Variants in MUC17 observed in about 807,000 individuals in gnomAD.
MUC17 encodes mucin-17.
In MUC17, 190 loss-of-function variants were observed where a neutral mutation model predicts 170.3. The observed-to-expected ratio is 1.12, with a 90% CI of 0.99 to 1.26. The LOEUF (loss-of-function observed/expected upper bound fraction) is 1.26. Ranked by LOEUF, MUC17 falls within the 50% of genes most tolerant of loss-of-function variation. The pLI is 0.00. For synonymous variants in MUC17, 2,325 were observed against 2,002.5 expected, an observed-to-expected ratio of 1.16 and a Z score of -4.30; for missense variants, 6,415 against 5,530.0, an observed-to-expected ratio of 1.16 and a Z score of -5.08.
rs1441978318 is a variant in MUC17, at chr7:101,053,443, G to C, written c.13363+7G>C. On this transcript the variant is annotated splice_region_variant and intron_variant, in intron 11 of 12. Coordinates refer to ENST00000306151, the MANE Select transcript of MUC17 (RefSeq NM_001040105.2). ...GGCTTTGACATCTGCCAAGGTATTG[G>C]CCTTCCTCTCTGAACTCAGAATGGC... is the stretch of plus-strand genomic sequence containing the variant. 4.3e-6 allele frequency: 7 copies of C among 1,611,224 alleles called. No homozygotes were observed. The highest frequency in any genetic ancestry group is 5.9e-6 in the Non-Finnish European group (7 of 1,178,170).
At chr7:101,030,365 G>T (rs1250536756) in intron 1 of MUC17, among the ~76,000 whole-genome samples, 1 of 151,698 alleles carries the variant, frequency 6.6e-6, no homozygotes, top group Non-Finnish European at 1.5e-5. Flanking sequence ...TGGGACTACA[G>T]GTGCACATGC....
At position 101,034,982 on chromosome 7, in the gene MUC17, C is replaced by T. The variant is rs746249043; in HGVS notation, c.3566C>T (p.Thr1189Ile). The T allele has an allele frequency of 1.9e-6, 3 of 1,613,718 alleles. No homozygotes were observed. In the Admixed American group the frequency reaches 5.0e-5, roughly 27 times the overall value. ...TCAACAACTCCTGTGGACTCCAAAACTCAGGTGGCCACTTCTACTGAAGCC... is the reference window on the plus strand; with the variant it reads ...TCAACAACTCCTGTGGACTCCAAAATTCAGGTGGCCACTTCTACTGAAGCC... ...TLSTTPVDSKTQVATSTEASS... is the reference protein window; with the variant it reads ...TLSTTPVDSKIQVATSTEASS... Residue 1189 changes from threonine (T) to isoleucine (I), a missense_variant, in exon 3 of 13, where the codon ACT becomes ATT. Transcript: ENST00000306151.
chr7:101,053,193 T>C, intron 10 of MUC17, 46 bp downstream of exon 10: 1 of 1,598,772 alleles, frequency 6.3e-7, no homozygotes, highest in Non-Finnish European at 8.5e-7. Flanking sequence ...CTCCAGCTCC[T>C]CCTCTTCCTC....
rs1051636153 is a variant in MUC17 at position 101,055,379 on chromosome 7, GTGTATAGC to G, written c.13364-810_13364-803del. 7.7e-4 allele frequency among the ~76,000 whole-genome samples: 117 copies of G among 152,162 alleles called. 1 individual carries two copies. The highest frequency in any genetic ancestry group is 2.8e-3 in the African/African-American group (115 of 41,490). ...TACTAAACAAAGTGTCTGTTGTTTT[GTGTATAGC>G]TGTACTCATTGCAGGCACATAAACT... is the stretch of plus-strand genomic sequence containing the variant. On this transcript the variant is annotated intron_variant, in intron 11 of 12. Coordinates refer to ENST00000306151, the MANE Select transcript of MUC17 (RefSeq NM_001040105.2).
chr7:101,047,951 C>T, intron 3 of MUC17, 33 bp from the exon 4 acceptor site: 1 of 1,542,596 alleles, frequency 6.5e-7, no homozygotes, highest in Non-Finnish European at 8.7e-7. Context: ...AATGGAGGAA[C>T]TTGGAAAGAA....
intron 1 of MUC17, among the ~76,000 whole-genome samples, chr7:101,020,943 C>A (rs1289756250): frequency 3.3e-5 from 5 of 152,162 alleles, no homozygotes; most frequent in African/African-American, 1.2e-4. Flanking sequence ...CACCTGCCCC[C>A]AGAGAAGGGC....
At position 101,049,348 on chromosome 7, in the gene MUC17, C is replaced by T. The variant is rs1328867373; in HGVS notation, c.12688C>T (p.Pro4230Ser). 6.2e-7 allele frequency: 1 copy of T among 1,613,988 alleles called. No individual in the cohort carries two copies. The highest frequency in any genetic ancestry group is 8.5e-7 in the Non-Finnish European group (1 of 1,179,954). Residue 4230 changes from proline to serine, a missense_variant, in exon 6 of 13, where the codon CCT becomes TCT. Transcript: ENST00000306151. Reference protein sequence around the residue: ...EQMNIVYSGIPEYVGVNITKL... With the variant: ...EQMNIVYSGISEYVGVNITKL... ...GATGAATATTGTGTATTCCGGGATC[C>T]CTGAGTATGTCGGGGTGAACATCAC... is the stretch of plus-strand genomic sequence containing the variant.
chr7:101,029,365 A>G (rs1374826610), intron 1 of MUC17, among the ~76,000 whole-genome samples: 1 of 151,934 alleles, frequency 6.6e-6, no homozygotes, highest in Non-Finnish European at 1.5e-5. Context: ...CTAAATACAT[A>G]CATACATACA....
chr7:101,052,025 G>A (rs1284566910), intron 9 of MUC17, 63 bp downstream of exon 9: 2 of 1,553,530 alleles, frequency 1.3e-6, no homozygotes, highest in Non-Finnish European at 1.7e-6. Flanking sequence ...TCCCCTGCAG[G>A]GCTTCACCCC....
At chr7:101,044,437 A>G (rs1794799493) in intron 3 of MUC17, among the ~76,000 whole-genome samples, 1 of 152,180 alleles carries the variant, frequency 6.6e-6, no homozygotes, top group Non-Finnish European at 1.5e-5. Context: ...TTTTCTTCTT[A>G]AACATTTACT....
chr7:101,037,500 T>C lies in MUC17; in HGVS notation c.6084T>C (p.Thr2028=), dbSNP rs752472551. ...TSTEGSSSPT[T]AGGTSIQTST... is the part of the protein sequence containing the mutation. ...CTGAAGGCAGTTCATCTCCTACAAC[T>C]GCAGGAGGTACCAGCATACAAACCT... is the stretch of plus-strand genomic sequence containing the variant. The change falls in exon 3 of 13, where the codon ACT becomes ACC. Residue 2028 remains threonine, a synonymous_variant. Coordinates refer to ENST00000306151, the MANE Select transcript of MUC17 (RefSeq NM_001040105.2). The C allele has an allele frequency of 1.5e-5, 24 of 1,613,572 alleles. No homozygotes were observed. The highest frequency in any genetic ancestry group is 1.9e-5 in the Non-Finnish European group (23 of 1,179,740).
rs1225536714 is a variant in MUC17, at chr7:101,058,085, C to G, written c.*41C>G. The G allele has an allele frequency of 6.3e-7, 1 of 1,591,850 alleles. No homozygotes were observed. ...AGTCTGGGAGTGAGGAGATCCCAGTCCGGCTAAGCTTGGTGGAGCATTTTC... is the reference window on the plus strand; with the variant it reads ...AGTCTGGGAGTGAGGAGATCCCAGTGCGGCTAAGCTTGGTGGAGCATTTTC... On this transcript the variant is annotated 3_prime_UTR_variant, in exon 13 of 13. Transcript: ENST00000306151.
At position 101,040,695 on chromosome 7, in the gene MUC17, C is replaced by A; in HGVS notation, c.9279C>A (p.Thr3093=). The part of the protein sequence containing the change: ...VSSSPTPAEG[T]SMPISTYSEG... ...CATCTCCTACACCTGCTGAAGGTAC[C>A]AGCATGCCAATCTCAACTTATAGTG... Residue 3093 remains threonine (T), a synonymous_variant, in exon 3 of 13, where the codon ACC becomes ACA. Transcript: ENST00000306151. 1.9e-6 allele frequency: 3 copies of A among 1,613,294 alleles called. No homozygotes were observed. The highest frequency in any genetic ancestry group is 1.7e-6 in the Non-Finnish European group (2 of 1,179,796).
chr7:101,039,875 C>A lies in MUC17; in HGVS notation c.8459C>A (p.Thr2820Lys), dbSNP rs79046921. The change falls in exon 3 of 13, where the codon ACG becomes AAG. Residue 2820 changes from threonine (T) to lysine (K), a missense_variant. By Grantham distance (78) the Thr-to-Lys change is moderately conservative (BLOSUM62 -1). Transcript: ENST00000306151. ...TTAACTAGTATGCCTGTCAACCACACGCCAGTGGCCAGTTCTGAGGCTGGC... is the reference window on the plus strand; with the variant it reads ...TTAACTAGTATGCCTGTCAACCACAAGCCAGTGGCCAGTTCTGAGGCTGGC... The part of the protein sequence containing the change: ...TPLTSMPVNH[T>K]PVASSEAGTL... 2.2e-5 allele frequency: 35 copies of A among 1,609,818 alleles called. 2 individuals are homozygous for A. Among genetic ancestry groups the A allele is most frequent in the Admixed American group, 3.4e-5 (2 of 59,356 alleles).
rs771053418 is a variant in MUC17, at chr7:101,032,352, C to T, written c.936C>T (p.Ala312=). ...TTCCTGTGATCACTTCTACTGAAGCCAGTTCATCTCCTACAACGGCTGAAG... is the reference window on the plus strand; with the variant it reads ...TTCCTGTGATCACTTCTACTGAAGCTAGTTCATCTCCTACAACGGCTGAAG... The part of the protein sequence containing the change: ...TNIPVITSTE[A]SSSPTTAEGT... The change falls in exon 3 of 13, where the codon GCC becomes GCT. Residue 312 remains alanine, a synonymous_variant. Transcript: ENST00000306151. The T allele has an allele frequency of 6.2e-7, 1 of 1,613,152 alleles. No homozygotes were observed. Among genetic ancestry groups the T allele is most frequent in the Non-Finnish European group, 8.5e-7 (1 of 1,179,812 alleles).
chr7:101,042,981 C>CT lies in MUC17; in HGVS notation c.11566dup (p.Ser3856PhefsTer5), dbSNP rs1248407721. The CT allele has an allele frequency of 6.2e-7, 1 of 1,614,162 alleles. No individual in the cohort carries two copies. On this transcript the variant is annotated frameshift_variant, in exon 3 of 13. Coordinates refer to ENST00000306151, the MANE Select transcript of MUC17 (RefSeq NM_001040105.2). LOFTEE classifies it high-confidence loss of function. ...TCACCTCTACCAAAGCCGGTTCATT[C>CT]TCCATACCTGCTGAAGTCACTACCA... is the stretch of plus-strand genomic sequence containing the variant.
rs199702361 is a variant in MUC17 at position 101,032,912 on chromosome 7, A to G, written c.1496A>G (p.Asn499Ser). Reference sequence around the variant, plus strand: ...TCATCTCCTCCAACTGCTGAAGTTAACAGCATGCCAACCTCAACTCCTAGT... The same window carrying G: ...TCATCTCCTCCAACTGCTGAAGTTAGCAGCATGCCAACCTCAACTCCTAGT... ...ASSSPPTAEV[N>S]SMPTSTPSEG... Residue 499 changes from asparagine (N) to serine (S), a missense_variant, in exon 3 of 13, where the codon AAC becomes AGC. Coordinates refer to ENST00000306151, the MANE Select transcript of MUC17 (RefSeq NM_001040105.2). 83 of 1,600,712 alleles carry G rather than the reference A, an allele frequency of 5.2e-5. 1 individual carries two copies. The East Asian group carries it at 1.8e-3, about 34-fold the overall frequency.
chr7:101,035,367 A>G lies in MUC17; in HGVS notation c.3951A>G (p.Ser1317=). ...TGGTCACTTCTAATGAAGTCAGTTC[A>G]TCTCCTACACCTGCTGAAGGTACCA... ...GPVVTSNEVS[S]SPTPAEGTSM... The change falls in exon 3 of 13, where the codon TCA becomes TCG. Residue 1317 remains serine (S), a synonymous_variant. Transcript: ENST00000306151. 6.2e-7 allele frequency: 1 copy of G among 1,610,708 alleles called. No individual in the cohort carries two copies. The highest frequency in any genetic ancestry group is 8.5e-7 in the Non-Finnish European group (1 of 1,178,192).
At position 101,035,811 on chromosome 7, in the gene MUC17, G is replaced by T; in HGVS notation, c.4395G>T (p.Thr1465=). ...TAAAAAGTATACCTGTCAGCAACAC[G>T]CCGGTGGCCAATTCTGAGGCTAGCA... ...TPLKSIPVSN[T]PVANSEASTL... The change falls in exon 3 of 13, where the codon ACG becomes ACT. Residue 1465 remains threonine (T), a synonymous_variant. Transcript: ENST00000306151. 1.2e-6 allele frequency: 2 copies of T among 1,602,942 alleles called. No homozygotes were observed. The highest frequency in any genetic ancestry group is 1.7e-6 in the Non-Finnish European group (2 of 1,174,092).
Sources: gnomAD v4.1 joint callset for allele counts (sites outside exome capture counted in the v4.1 genomes callset) on GRCh38, gnomAD v4.1.1 for gene constraint, MANE v1.5 for transcripts, NCBI Gene and HGNC (gene_info 2026-07-23, HGNC 2026-07-21) for gene names.